Variants in PTBP1 observed in about 807,000 individuals in gnomAD.
PTBP1 encodes polypyrimidine tract-binding protein 1.
Under a neutral mutation model 59.8 loss-of-function variants are expected in PTBP1, and 8 were observed. The ratio of observed to expected loss-of-function variants is 0.13; its 90% CI spans 0.08 to 0.24. The LOEUF is 0.24. PTBP1 is among the 10% of genes least tolerant of loss of function. PTBP1 has a pLI of 1.00. For synonymous variants in PTBP1, 490 were observed against 320.7 expected (o/e 1.53, Z -5.64); for missense variants, 686 against 767.0 (o/e 0.89, Z 1.25).
intron 1 of PTBP1, among the ~76,000 whole-genome samples, chr19:797,858 C>T (rs1306631971): frequency 4.0e-5 from 6 of 148,748 alleles, no homozygotes; most frequent in South Asian, 2.1e-4. Context: ...CCTCGCGCGC[C>T]CGGATGGCCC....
In PTBP1 at chr19:804,046, T is replaced by G. The variant is rs780227531; in HGVS notation, c.126T>G (p.Asn42Lys). The change falls in exon 4 of 15, where the codon AAT becomes AAG. Residue 42 changes from asparagine (N) to lysine (K), a missense_variant. By Grantham distance (94) the Asn-to-Lys change is moderately conservative. Transcript: ENST00000356948. ...SSNSASAANG[N>K]DSKKFKGDSR... The stretch of plus-strand genomic sequence containing the variant: ...GCACCCCCTTTTCAGCAAACGGAAA[T>G]GACAGCAAGAAGTTCAAAGGTGACA... 2 of 1,613,904 alleles carry G rather than the reference T, an allele frequency of 1.2e-6. No homozygotes were observed. Among genetic ancestry groups the G allele is most frequent in the Non-Finnish European group, 1.7e-6 (2 of 1,179,984 alleles).
rs763977311 is a variant in PTBP1 at position 806,575 on chromosome 19, C to T, written c.1119+19C>T. 6.1e-6 allele frequency: 9 copies of T among 1,477,224 alleles called. No homozygotes were observed. The highest frequency in any genetic ancestry group is 5.0e-5 in the Admixed American group (2 of 40,398). The allele number at this position is 1,477,224 out of a possible 1,614,324, so 91.5% of individuals were successfully genotyped here. On this transcript the variant is annotated intron_variant, in intron 10 of 14. Coordinates refer to ENST00000356948, the MANE Select transcript of PTBP1 (RefSeq NM_002819.5). ...CCCAGAGGTACGTGGGCTTTTCCTC[C>T]GCGCCGCCGTTCCTCCCGGAAGAGC... is the stretch of plus-strand genomic sequence containing the variant.
At chr19:798,096 A>C (rs1426694926) in intron 1 of PTBP1, among the ~76,000 whole-genome samples, 2 of 148,956 alleles carry the variant, frequency 1.3e-5, no homozygotes, top group Non-Finnish European at 3.0e-5. Flanking sequence ...TCCCCGCCCT[A>C]CCCCTGCCCC....
At chr19:809,470 G>A (rs1018082795) in intron 13 of PTBP1, among the ~76,000 whole-genome samples, 11 of 152,016 alleles carry the variant, frequency 7.2e-5, no homozygotes, top group South Asian at 2.1e-4. Context: ...ATAGGTGCCC[G>A]CCAGCACGCC....
chr19:808,812 T>G lies in PTBP1; in HGVS notation c.1463+50T>G. The stretch of plus-strand genomic sequence containing the variant: ...TGGGGCCGGGGGCGGGCAAGGGCTC[T>G]GCTTGGCTGTCCTACCGCGTCGGTG... On this transcript the variant is annotated intron_variant, in intron 13 of 14. Transcript: ENST00000356948. The surrounding 1 kb of genome is among the most constrained non-coding windows in gnomAD (Gnocchi z 4.7). 2 of 1,538,678 alleles carry G rather than the reference T, an allele frequency of 1.3e-6. No homozygotes were observed. Among genetic ancestry groups the G allele is most frequent in the Non-Finnish European group, 1.8e-6 (2 of 1,128,888 alleles).
chr19:804,498 A>G lies in PTBP1; in HGVS notation c.436-34A>G, dbSNP rs758128420. On this transcript the variant is annotated intron_variant, in intron 5 of 14. Coordinates refer to ENST00000356948, the MANE Select transcript of PTBP1 (RefSeq NM_002819.5). ...GGACCTCGGGGGTGGGCCCAGCCGC[A>G]GGGGCCGGGGACTCACGGCTGTGCC... 4.4e-6 allele frequency: 7 copies of G among 1,593,220 alleles called. No individual in the cohort carries two copies. In the South Asian group the frequency reaches 4.5e-5, roughly 10 times the overall value.
intron 13 of PTBP1, 62 bp from the exon 14 acceptor site, chr19:810,481 G>T: frequency 2.8e-6 from 4 of 1,453,518 alleles, no homozygotes; most frequent in Non-Finnish European, 2.9e-6. Flanking sequence ...AAAGCCTCGC[G>T]GACCTGACTG....
intron 8 of PTBP1, 66 bp from the exon 9 acceptor site, chr19:805,426 C>G: frequency 1.3e-6 from 2 of 1,488,398 alleles, no homozygotes; most frequent in Non-Finnish European, 1.9e-6. Context: ...GGGCCCATCC[C>G]GCAGCACAGC....
intron 10 of PTBP1, chr19:806,783 G>A: frequency 4.3e-6 from 2 of 466,510 alleles, no homozygotes; most frequent in South Asian, 8.6e-5. Flanking sequence ...ATGATACGCA[G>A]AATGAATTAT....
intron 8 of PTBP1, 24 bp from the exon 9 acceptor site, chr19:805,468 G>C: frequency 6.2e-7 from 1 of 1,600,782 alleles, no homozygotes; most frequent in Admixed American, 1.7e-5. Context: ...TGGGTGCGAT[G>C]ATTAGTGTCT....
At chr19:802,781 T>C (rs1413450801) in intron 2 of PTBP1, among the ~76,000 whole-genome samples, 1 of 152,214 alleles carries the variant, frequency 6.6e-6, no homozygotes, top group African/African-American at 2.4e-5. Context: ...GGGGGGGATG[T>C]CTGCCGTCCT....
chr19:799,455 T>C lies in PTBP1; in HGVS notation c.39+12T>C. On this transcript the variant is annotated intron_variant, in intron 2 of 14. Transcript: ENST00000356948. ...CCGTTGGTACAAAGGTAGGCACTTC[T>C]CACTTTGCTTCTCCGTGACGCTCCT... The C allele has an allele frequency of 1.2e-6, 2 of 1,613,516 alleles. No individual in the cohort carries two copies. Among genetic ancestry groups the C allele is most frequent in the Non-Finnish European group, 8.5e-7 (1 of 1,179,592 alleles).
At chr19:799,908 G>A (rs1322687704) in intron 2 of PTBP1, among the ~76,000 whole-genome samples, 3 of 151,994 alleles carry the variant, frequency 2.0e-5, no homozygotes, top group East Asian at 1.9e-4. Flanking sequence ...TGATTTTGAC[G>A]TTAAGTTTTT....
At chr19:802,715 C>CAA (rs1278049920) in intron 2 of PTBP1, among the ~76,000 whole-genome samples, 3 of 152,226 alleles carry the variant, frequency 2.0e-5, no homozygotes, top group African/African-American at 7.2e-5. Context: ...GGGCCGTAAC[C>CAA]AACGTCTCCT....
chr19:805,424 C>A, intron 8 of PTBP1, 68 bp from the exon 9 acceptor site: 2 of 1,473,946 alleles, frequency 1.4e-6, no homozygotes, highest in Non-Finnish European at 1.9e-6. Context: ...TGGGGCCCAT[C>A]CCGCAGCACA....
chr19:798,898 C>T (rs11879692), intron 1 of PTBP1, among the ~76,000 whole-genome samples: 25 of 152,218 alleles, frequency 1.6e-4, no homozygotes, highest in African/African-American at 5.1e-4. Context: ...TTTTTATTGA[C>T]GGTTTCCACG....
intron 2 of PTBP1, among the ~76,000 whole-genome samples, chr19:802,226 C>T (rs567071028): frequency 6.6e-6 from 1 of 152,298 alleles, no homozygotes; most frequent in Non-Finnish European, 1.5e-5. Context: ...TTGCCGTCCG[C>T]GTCGGGAGGA....
rs1392879831 is a variant in PTBP1 at position 810,972 on chromosome 19, TTAAATC to T, written c.*149_*154del. 2 of 866,480 alleles carry T rather than the reference TTAAATC, an allele frequency of 2.3e-6. No homozygotes were observed. The highest frequency in any genetic ancestry group is 3.2e-5 in the East Asian group (1 of 31,682). The allele number at this position is 866,480 out of a possible 1,614,324, so 53.7% of individuals were successfully genotyped here. ...ATCAGTTTACCTGTTTTTAAAAAAA[TTAAATC>T]TAGTTCACCTTGCTCACCCTGCGGT... On this transcript the variant is annotated 3_prime_UTR_variant, in exon 15 of 15. Coordinates refer to ENST00000356948, the MANE Select transcript of PTBP1 (RefSeq NM_002819.5).
Position 805,036 on chromosome 19 carries a change from C to T in PTBP1, c.741C>T (p.Tyr247=). ...AKLSLDGQNI[Y]NACCTLRIDF... is the part of the protein sequence containing the mutation. ...AGTCGCTGGACGGGCAGAACATCTA[C>T]AACGCCTGCTGCACGCTGCGCATCG... The change falls in exon 8 of 15, where the codon TAC becomes TAT. Residue 247 remains tyrosine, a synonymous_variant. Transcript: ENST00000356948. The T allele has an allele frequency of 6.2e-7, 1 of 1,613,820 alleles. No homozygotes were observed. Among genetic ancestry groups the T allele is most frequent in the South Asian group, 1.1e-5 (1 of 91,084 alleles).
Sources: gnomAD v4.1 joint callset for allele counts (sites outside exome capture counted in the v4.1 genomes callset) on GRCh38, gnomAD v4.1.1 for gene constraint, Gnocchi (gnomAD v3.1) non-coding constraint, MANE v1.5 for transcripts, NCBI Gene and HGNC (gene_info 2026-07-23, HGNC 2026-07-21) for gene names.